Variants in ARB2A observed in about 807,000 individuals in gnomAD.
ARB2A encodes cotranscriptional regulator ARB2A.
chr5:93,721,733 C>T, the ARB2A span, among the ~76,000 whole-genome samples: 2 of 151,990 alleles, frequency 1.3e-5, no homozygotes, highest in African/African-American at 4.8e-5. Context: ...TAATCCAAGA[C>T]CAAAGTCCAA....
the ARB2A span, among the ~76,000 whole-genome samples, chr5:94,077,722 A>G: frequency 3.9e-5 from 6 of 152,234 alleles, no homozygotes; most frequent in African/African-American, 1.4e-4. Context: ...AGGTTAGGTT[A>G]TAGAGAATAA....
chr5:93,852,348 A>G, the ARB2A span, among the ~76,000 whole-genome samples: 1 of 151,840 alleles, frequency 6.6e-6, no homozygotes, highest in Non-Finnish European at 1.5e-5. Flanking sequence ...TAGATTCTGG[A>G]TATTAGCCCT....
the ARB2A span, chr5:93,738,260 C>T: frequency 6.5e-6 from 1 of 153,410 alleles, no homozygotes; most frequent in African/African-American, 2.4e-5. Context: ...CACCACTTAA[C>T]AGCTACCAAG....
the ARB2A span, among the ~76,000 whole-genome samples, chr5:94,071,828 G>T: frequency 6.6e-6 from 1 of 152,082 alleles, no homozygotes; most frequent in African/African-American, 2.4e-5. Context: ...AGTTAGAAAT[G>T]CAATTACCAT....
chr5:93,863,290 T>TG, the ARB2A span: 1 of 152,062 alleles, frequency 6.6e-6, no homozygotes, highest in African/African-American at 2.4e-5. Flanking sequence ...TTTTAAAAGA[T>TG]GGAGTCTCAT....
chr5:93,706,634 G>A, the ARB2A span, among the ~76,000 whole-genome samples: 6 of 152,122 alleles, frequency 3.9e-5, no homozygotes, highest in East Asian at 1.9e-4. Flanking sequence ...TTGGGCAGCC[G>A]AGACTGGCGC....
At chr5:93,745,967 C>G in the ARB2A span, among the ~76,000 whole-genome samples, 2 of 152,178 alleles carry the variant, frequency 1.3e-5, no homozygotes, top group Admixed American at 1.3e-4. Flanking sequence ...AACACCCTCT[C>G]TGGATCCAGG....
At chr5:93,826,639 C>A in the ARB2A span, among the ~76,000 whole-genome samples, 1 of 151,918 alleles carries the variant, frequency 6.6e-6, no homozygotes, top group Admixed American at 6.6e-5. Flanking sequence ...TACATGTGCA[C>A]AATGTGCAGG....
the ARB2A span, among the ~76,000 whole-genome samples, chr5:93,868,164 A>T: frequency 6.6e-6 from 1 of 151,942 alleles, no homozygotes; most frequent in African/African-American, 2.4e-5. Context: ...TACAAAAAAT[A>T]AAAAAAATTA....
the ARB2A span, among the ~76,000 whole-genome samples, chr5:93,974,680 G>A: frequency 6.6e-6 from 1 of 152,000 alleles, no homozygotes; most frequent in South Asian, 2.1e-4. Flanking sequence ...CATATTTCAG[G>A]ATTGCTGACA....
the ARB2A span, among the ~76,000 whole-genome samples, chr5:93,826,404 T>C: frequency 1.3e-5 from 2 of 152,136 alleles, no homozygotes. Flanking sequence ...GTTCTCTCTA[T>C]GTCTATCTGT....
the ARB2A span, among the ~76,000 whole-genome samples, chr5:93,909,176 G>T: frequency 6.6e-6 from 1 of 151,054 alleles, no homozygotes; most frequent in Non-Finnish European, 1.5e-5. Flanking sequence ...CATATCACAA[G>T]AAGTTATTTG....
chr5:94,030,169 AAC>A, the ARB2A span, among the ~76,000 whole-genome samples: 1 of 152,192 alleles, frequency 6.6e-6, no homozygotes, highest in African/African-American at 2.4e-5. Flanking sequence ...GACACAGCTA[AAC>A]CATATCAATT....
the ARB2A span, among the ~76,000 whole-genome samples, chr5:93,886,001 T>G: frequency 6.6e-5 from 10 of 151,644 alleles, no homozygotes; most frequent in Non-Finnish European, 4.4e-5. Flanking sequence ...AAAGGAAAAC[T>G]TTGATAGACA....
chr5:93,848,361 G>A, the ARB2A span, among the ~76,000 whole-genome samples: 2 of 150,446 alleles, frequency 1.3e-5, no homozygotes, highest in Non-Finnish European at 2.9e-5. Context: ...CTAGCTTGGC[G>A]ACAGAGCGAG....
At chr5:93,849,863 C>T in the ARB2A span, among the ~76,000 whole-genome samples, 6 of 152,062 alleles carry the variant, frequency 3.9e-5, no homozygotes, top group Admixed American at 3.9e-4. Context: ...AATGAAAAAA[C>T]ATGAGATTTT....
chr5:93,850,997 C>T, the ARB2A span, among the ~76,000 whole-genome samples: 1 of 152,018 alleles, frequency 6.6e-6, no homozygotes, highest in Non-Finnish European at 1.5e-5. Context: ...GGTTCTTCTT[C>T]TTTTTATTTT....
the ARB2A span, among the ~76,000 whole-genome samples, chr5:93,699,986 C>G: frequency 2.0e-5 from 3 of 151,946 alleles, no homozygotes; most frequent in Non-Finnish European, 4.4e-5. Context: ...CAAATTCTAT[C>G]TGGTGAGGAA....
At chr5:93,765,064 T>C in the ARB2A span, among the ~76,000 whole-genome samples, 1 of 152,302 alleles carries the variant, frequency 6.6e-6, no homozygotes, top group East Asian at 1.9e-4. Context: ...AAGAGCTATA[T>C]ATGACAAACG....
Sources: gnomAD v4.1 joint callset for allele counts (sites outside exome capture counted in the v4.1 genomes callset) on GRCh38, gnomAD v4.1.1 for gene constraint, MANE v1.5 for transcripts, NCBI Gene and HGNC (gene_info 2026-07-23, HGNC 2026-07-21) for gene names.